The following KNL1 variants were observed in gnomAD, a reference collection of about 807,000 sequenced individuals.
The protein encoded by KNL1 is kinetochore scaffold 1.
A neutral mutation model predicts 201.3 loss-of-function variants in KNL1; 66 were observed. The observed-to-expected ratio is 0.33, with a 90% confidence interval of 0.27 to 0.40. The LOEUF (loss-of-function observed/expected upper bound fraction) is 0.40. KNL1 is among the 10% of genes least tolerant of loss of function. KNL1 has a pLI of 1.00. For synonymous variants in KNL1, 895 were observed against 899.2 expected (o/e 1.00, Z 0.08); for missense variants, 2,815 against 2,690.5 (o/e 1.05, Z -1.02).
At chr15:40,632,124 GTCTGTAAT>G (rs1460784412) in intron 13 of KNL1, among the ~76,000 whole-genome samples, 1 of 151,924 alleles carries the variant, frequency 6.6e-6, no homozygotes, top group Non-Finnish European at 1.5e-5. Flanking sequence ...AGTGGCTGGT[GTCTGTAAT>G]TCTAGCTATG....
chr15:40,618,643 G>A (rs1429687059), intron 8 of KNL1, among the ~76,000 whole-genome samples: 1 of 151,964 alleles, frequency 6.6e-6, no homozygotes, highest in Non-Finnish European at 1.5e-5. Context: ...ACTAACATAG[G>A]ATAATTAAGT....
At chr15:40,647,742 A>G (rs1893437555) in intron 17 of KNL1, among the ~76,000 whole-genome samples, 2 of 152,268 alleles carry the variant, frequency 1.3e-5, no homozygotes, top group Admixed American at 6.5e-5. Context: ...TGTTCTTCTC[A>G]GTCCTTAGCC....
At chr15:40,612,265 G>A (rs981722960) in intron 7 of KNL1, among the ~76,000 whole-genome samples, 1 of 151,974 alleles carries the variant, frequency 6.6e-6, no homozygotes, top group Non-Finnish European at 1.5e-5. Context: ...GCAGTGAGCC[G>A]AGATCATGCC....
chr15:40,635,753 C>T (rs905601136), intron 13 of KNL1, among the ~76,000 whole-genome samples: 1 of 152,150 alleles, frequency 6.6e-6, no homozygotes, highest in South Asian at 2.1e-4. Flanking sequence ...ACTCAGTTGG[C>T]GGCACTAGCA....
At chr15:40,638,618 A>T (rs879473019) in intron 13 of KNL1, among the ~76,000 whole-genome samples, 4 of 151,386 alleles carry the variant, frequency 2.6e-5, no homozygotes, top group Non-Finnish European at 5.9e-5. Flanking sequence ...CAGCCCCCCA[A>T]GTAGCTGGGA....
At chr15:40,601,859 CTTTTTTT>C (rs36046773) in intron 1 of KNL1, among the ~76,000 whole-genome samples, 2 of 64,620 alleles carry the variant, frequency 3.1e-5, no homozygotes, top group Non-Finnish European at 5.3e-5. Context: ...AAAAATGCAT[CTTTTTTT>C]TTTTTTTTTT....
Position 40,608,898 on chromosome 15 carries a change from G to T in KNL1, c.187G>T (p.Asp63Tyr). ...AAACTCTCGTCGAGTCAGCTTTGCA[G>T]ATACTATAAAGTAAGTTGAAAGCAG... Reference protein sequence around the residue: ...KKNSRRVSFADTIKVFQTESH... With the variant: ...KKNSRRVSFAYTIKVFQTESH... Residue 63 changes from aspartate to tyrosine, a missense_variant, in exon 5 of 26, where the codon GAT (aspartate) becomes TAT (tyrosine). Transcript: ENST00000399668. The T allele has an allele frequency of 6.2e-7, 1 of 1,609,504 alleles. No homozygotes were observed.
chr15:40,625,022 A>G lies in KNL1; in HGVS notation c.4758A>G (p.Leu1586=), dbSNP rs1567010596. 1 of 1,613,964 alleles carries G rather than the reference A, an allele frequency of 6.2e-7. No individual in the cohort carries two copies. Among genetic ancestry groups the G allele is most frequent in the Non-Finnish European group, 8.5e-7 (1 of 1,179,906 alleles). ...ATCTACCACCCCTTCCAGAGCAATT[A>G]CTTGAATTAGGAAATAAGGCACACA... ...TVHLPPLPEQ[L]LELGNKAHND... is the part of the protein sequence containing the mutation. The change falls in exon 10 of 26, where the codon TTA becomes TTG. Residue 1586 remains leucine (L), a synonymous_variant. Coordinates refer to ENST00000399668, the MANE Select transcript of KNL1 (RefSeq NM_144508.5).
At chr15:40,627,361 A>C (rs1014608857) in intron 10 of KNL1, among the ~76,000 whole-genome samples, 1 of 152,136 alleles carries the variant, frequency 6.6e-6, no homozygotes, top group Non-Finnish European at 1.5e-5. Context: ...AAAAATACAA[A>C]AAATTAGCCA....
chr15:40,609,056 A>G (rs1474680118), intron 5 of KNL1, 148 bp downstream of exon 5: 1 of 580,544 alleles, frequency 1.7e-6, no homozygotes, highest in Non-Finnish European at 3.0e-6. Flanking sequence ...TTTAAAAGAG[A>G]AACAAAGCAT....
Position 40,644,996 on chromosome 15 carries a change from G to C in KNL1, c.5799-1G>C. ...TGCTAATTAACTTTTCCGTATTTTAGATTAAAGCTTTCTGCATCGAACCAA... is the reference window on the plus strand; with the variant it reads ...TGCTAATTAACTTTTCCGTATTTTACATTAAAGCTTTCTGCATCGAACCAA... On this transcript the variant is annotated splice_acceptor_variant, in intron 14 of 25. Coordinates refer to ENST00000399668, the MANE Select transcript of KNL1 (RefSeq NM_144508.5). LOFTEE classifies it high-confidence loss of function. 6.2e-7 allele frequency: 1 copy of C among 1,605,906 alleles called. No homozygotes were observed. The highest frequency in any genetic ancestry group is 8.5e-7 in the Non-Finnish European group (1 of 1,174,440).
chr15:40,602,591 A>T (rs1315259549), intron 1 of KNL1, among the ~76,000 whole-genome samples: 1 of 144,494 alleles, frequency 6.9e-6, no homozygotes, highest in Non-Finnish European at 1.5e-5. Context: ...GATTCAAGCG[A>T]GTCTCCTACC....
chr15:40,624,448 C>T lies in KNL1; in HGVS notation c.4184C>T (p.Pro1395Leu). ...LHKDQDLIKD[P>L]RNLLANQTLV... Reference sequence around the variant, plus strand: ...AAAGATCAAGATCTGATTAAGGATCCACGAAATCTATTGGCTAATCAAACT... The same window carrying T: ...AAAGATCAAGATCTGATTAAGGATCTACGAAATCTATTGGCTAATCAAACT... Residue 1395 changes from proline (P) to leucine (L), a missense_variant, in exon 10 of 26, where the codon CCA becomes CTA. Physicochemically the swap from Pro to Leu is moderately conservative, Grantham distance 98. This residue lies in a region of KNL1 where 2,464 missense variants were observed against 2,291.7 expected (regional missense o/e 1.08). Coordinates refer to ENST00000399668, the MANE Select transcript of KNL1 (RefSeq NM_144508.5). 6.2e-7 allele frequency: 1 copy of T among 1,613,756 alleles called. No individual in the cohort carries two copies.
intron 6 of KNL1, chr15:40,610,717 T>C (rs576333130): frequency 5.0e-5 from 23 of 455,974 alleles, no homozygotes; most frequent in Middle Eastern, 4.9e-4. Context: ...ACCTTGAGTC[T>C]TGGGAGTAGA....
intron 10 of KNL1, among the ~76,000 whole-genome samples, chr15:40,627,761 G>T (rs1344993915): frequency 6.6e-6 from 1 of 152,176 alleles, no homozygotes; most frequent in East Asian, 1.9e-4. Flanking sequence ...TTGCCCTGCT[G>T]TTGGTGGCTA....
chr15:40,625,486 C>T lies in KNL1; in HGVS notation c.5222C>T (p.Thr1741Ile), dbSNP rs1378673739. ...ACTGAGGAAAAGGCCTTGATTGAGA[C>T]ATACCAAAAAGAGATTTCACCATAT... is the stretch of plus-strand genomic sequence containing the variant. Reference protein sequence around the residue: ...IETEEKALIETYQKEISPYEN... With the variant: ...IETEEKALIEIYQKEISPYEN... Residue 1741 changes from threonine (T) to isoleucine (I), a missense_variant, in exon 10 of 26, where the codon ACA becomes ATA. Thr to Ile is a moderately conservative substitution (Grantham distance 89, BLOSUM62 -1). This residue lies in a region of KNL1 where 2,464 missense variants were observed against 2,291.7 expected (regional missense o/e 1.08). Coordinates refer to ENST00000399668, the MANE Select transcript of KNL1 (RefSeq NM_144508.5). The T allele has an allele frequency of 6.2e-7, 1 of 1,613,160 alleles. No individual in the cohort carries two copies. Among genetic ancestry groups the T allele is most frequent in the African/African-American group, 1.3e-5 (1 of 74,688 alleles).
chr15:40,618,457 T>G (rs1220162246), intron 8 of KNL1, among the ~76,000 whole-genome samples: 1 of 152,100 alleles, frequency 6.6e-6, no homozygotes, highest in Non-Finnish European at 1.5e-5. Flanking sequence ...CCTTTCAGTC[T>G]CATCATTTGA....
intron 12 of KNL1, 136 bp downstream of exon 12, chr15:40,628,814 T>C (rs191040486): frequency 5.9e-5 from 31 of 525,120 alleles, no homozygotes; most frequent in African/African-American, 5.4e-4. Context: ...AGAAGACTAC[T>C]TTTCTTTGTT....
At position 40,621,509 on chromosome 15, in the gene KNL1, T is replaced by C. The variant is rs747905364; in HGVS notation, c.1245T>C (p.Ser415=). The C allele has an allele frequency of 1.9e-6, 3 of 1,613,804 alleles. No individual in the cohort carries two copies. Among genetic ancestry groups the C allele is most frequent in the Non-Finnish European group, 2.5e-6 (3 of 1,179,900 alleles). ...DARILAMTPE[S]IYSNPSIQGC... ...GAATATTAGCCATGACCCCAGAATC[T>C]ATATATTCTAATCCATCTATTCAAG... is the stretch of plus-strand genomic sequence containing the variant. Residue 415 remains serine, a synonymous_variant, in exon 10 of 26, where the codon TCT becomes TCC. Coordinates refer to ENST00000399668, the MANE Select transcript of KNL1 (RefSeq NM_144508.5).
Sources: allele counts gnomAD v4.1 joint callset (sites outside exome capture counted in the v4.1 genomes callset), GRCh38; gene constraint gnomAD v4.1.1; regional missense constraint gnomAD v4.1.1; transcripts MANE v1.5; gene names NCBI Gene and HGNC (gene_info 2026-07-23, HGNC 2026-07-21).